KLF8: variants seen among roughly 807,000 people sequenced by gnomAD.
The protein encoded by KLF8 is KLF transcription factor 8, also known as Krueppel-like factor 8.
In KLF8, 10 loss-of-function variants were observed where a neutral mutation model predicts 18.2. The ratio of observed to expected loss-of-function variants is 0.55; its 90% confidence interval spans 0.34 to 0.93. The LOEUF is 0.93. KLF8 is among the 40% of genes least tolerant of loss of function. The probability of loss-of-function intolerance (pLI) is 0.02; values close to 1 mark genes in which losing one functional copy is unlikely to be tolerated. For synonymous variants in KLF8, 109 were observed against 97.3 expected, an observed-to-expected ratio of 1.12 and a Z score of -0.71; for missense variants, 264 against 277.9, an observed-to-expected ratio of 0.95 and a Z score of 0.36.
At chrX:56,127,282 A>G in the KLF8 span, among the ~76,000 whole-genome samples, 1 of 111,356 alleles carries the variant, frequency 9.0e-6, no homozygotes, top group African/African-American at 3.3e-5. Context: ...ACAAATGAAA[A>G]ATTTGCTGTG....
At chrX:56,268,567 C>T (rs190385697) in intron 3 of KLF8, 97 of 210,959 alleles carry the variant, frequency 4.6e-4, no homozygotes, top group Middle Eastern at 2.7e-3. Flanking sequence ...TGTAGGATAC[C>T]GATACATGTA....
the KLF8 span, among the ~76,000 whole-genome samples, chrX:56,192,662 T>A: frequency 1.3e-4 from 15 of 111,761 alleles, no homozygotes; most frequent in Admixed American, 1.4e-3. Context: ...CAAATCCATA[T>A]CTACAGTGAA....
the KLF8 span, among the ~76,000 whole-genome samples, chrX:56,050,766 T>G: frequency 2.7e-5 from 3 of 112,044 alleles, no homozygotes; most frequent in Non-Finnish European, 3.8e-5. Context: ...TGGAGTTTTC[T>G]GTAGATGTCT....
At chrX:56,189,041 G>A in the KLF8 span, among the ~76,000 whole-genome samples, 58 of 111,596 alleles carry the variant, frequency 5.2e-4, 1 homozygote, top group East Asian at 0.016. Context: ...AAACTCAAGA[G>A]CTTCTGCACA....
the KLF8 span, among the ~76,000 whole-genome samples, chrX:55,925,820 A>G: frequency 3.6e-5 from 4 of 112,259 alleles, no homozygotes; most frequent in African/African-American, 6.5e-5. Context: ...CTGCTAGACT[A>G]TAAGTTCCAT....
chrX:56,092,809 ACTGT>A, the KLF8 span, among the ~76,000 whole-genome samples: 1 of 109,907 alleles, frequency 9.1e-6, no homozygotes, highest in Non-Finnish European at 1.9e-5. Flanking sequence ...AATATGCAAG[ACTGT>A]CTGAGTAATG....
chrX:55,990,568 G>A, the KLF8 span, among the ~76,000 whole-genome samples: 1 of 112,140 alleles, frequency 8.9e-6, no homozygotes, highest in Non-Finnish European at 1.9e-5. Flanking sequence ...TGCAGGAGGA[G>A]AGGCGCTCTG....
chrX:55,914,567 G>A, the KLF8 span, among the ~76,000 whole-genome samples: 56,798 of 110,938 alleles, frequency 0.51, 12,885 homozygotes, highest in East Asian at 0.74. Context: ...TTATTAATAT[G>A]AGCAAGTAAA....
chrX:56,160,896 G>T, the KLF8 span, among the ~76,000 whole-genome samples: 5 of 111,195 alleles, frequency 4.5e-5, no homozygotes, highest in African/African-American at 1.6e-4. Context: ...TACATTTAAG[G>T]TTAGTATTAT....
At chrX:56,192,155 T>C in the KLF8 span, among the ~76,000 whole-genome samples, 2 of 111,699 alleles carry the variant, frequency 1.8e-5, no homozygotes, top group East Asian at 2.8e-4. Context: ...CATGCAAAAA[T>C]CAGTAGAATT....
At chrX:56,244,979 G>T in intron 1 of KLF8, among the ~76,000 whole-genome samples, 1 of 111,811 alleles carries the variant, frequency 8.9e-6, no homozygotes, top group East Asian at 2.8e-4. Context: ...AAAATGGTTG[G>T]GGAGCACTAT....
At chrX:56,083,124 T>A in the KLF8 span, among the ~76,000 whole-genome samples, 1 of 112,052 alleles carries the variant, frequency 8.9e-6, no homozygotes. Flanking sequence ...TTTCTGCCCC[T>A]TTCATGCTCT....
At position 56,265,373 on chromosome X, in the gene KLF8, A is replaced by G; in HGVS notation, c.275A>G (p.His92Arg). 1 of 1,210,429 alleles carries G rather than the reference A, an allele frequency of 8.3e-7. No homozygotes were observed. The highest frequency in any genetic ancestry group is 1.1e-6 in the Non-Finnish European group (1 of 895,036). Residue 92 changes from histidine (H) to arginine (R), a missense_variant, in exon 3 of 6, where the codon CAC becomes CGC. Coordinates refer to ENST00000468660, the MANE Select transcript of KLF8 (RefSeq NM_007250.5). Reference protein sequence around the residue: ...PQVEPVDLSFHKPKAPLQPAS... With the variant: ...PQVEPVDLSFRKPKAPLQPAS... ...GTGGAACCAGTTGACCTCTCCTTTC[A>G]CAAGCCCAAGGCTCCTCTCCAGCCT...
intron 1 of KLF8, among the ~76,000 whole-genome samples, chrX:56,240,408 T>C (rs2066528673): frequency 1.8e-5 from 2 of 112,072 alleles, no homozygotes; most frequent in African/African-American, 3.2e-5. Flanking sequence ...GTTGCCACAC[T>C]ACCACCATGT....
chrX:55,988,975 G>A, the KLF8 span, among the ~76,000 whole-genome samples: 1 of 111,608 alleles, frequency 9.0e-6, no homozygotes. Context: ...TGATGAATGG[G>A]AGTTCACTCA....
the KLF8 span, among the ~76,000 whole-genome samples, chrX:56,040,696 C>T: frequency 9.5e-6 from 1 of 105,334 alleles, no homozygotes; most frequent in East Asian, 3.1e-4. Context: ...TGCTGTATCT[C>T]TTCCAGGTTT....
the KLF8 span, among the ~76,000 whole-genome samples, chrX:55,943,554 A>G: frequency 2.7e-5 from 3 of 111,537 alleles, no homozygotes; most frequent in Non-Finnish European, 5.7e-5. Context: ...CCTTGGTAAA[A>G]TAATTAGCCA....
the KLF8 span, among the ~76,000 whole-genome samples, chrX:56,035,003 C>T: frequency 9.1e-6 from 1 of 110,244 alleles, no homozygotes; most frequent in African/African-American, 3.3e-5. Context: ...GATCCGCCCG[C>T]CTCGGCCTCC....
chrX:56,184,047 C>T, the KLF8 span, among the ~76,000 whole-genome samples: 1 of 112,118 alleles, frequency 8.9e-6, no homozygotes, highest in South Asian at 3.7e-4. Context: ...GTGCACCATG[C>T]ACGAGTCGAA....
Sources: gnomAD v4.1 joint callset for allele counts (sites outside exome capture counted in the v4.1 genomes callset) on GRCh38, gnomAD v4.1.1 for gene constraint, MANE v1.5 for transcripts, NCBI Gene and HGNC (gene_info 2026-07-23, HGNC 2026-07-21) for gene names.